Variants in SAMD4A observed in about 807,000 individuals in gnomAD.
SAMD4A encodes protein Smaug homolog 1.
A neutral mutation model predicts 81.3 loss-of-function variants in SAMD4A; 33 were observed. That is an observed-to-expected ratio of 0.41 (90% CI 0.31 to 0.54). The LOEUF (loss-of-function observed/expected upper bound fraction) is 0.54, where lower values mean the gene tolerates loss of function less well. Ranked by LOEUF, SAMD4A falls within the 20% of genes least tolerant of loss-of-function variation. The pLI, the probability that SAMD4A is intolerant of heterozygous loss-of-function variation, is 0.37. For synonymous variants in SAMD4A, 389 were observed against 382.1 expected (o/e 1.02, Z -0.21); for missense variants, 854 against 951.1 (o/e 0.90, Z 1.34).
At chr14:54,591,417 G>T (rs2033771323) in intron 2 of SAMD4A, among the ~76,000 whole-genome samples, 1 of 152,172 alleles carries the variant, frequency 6.6e-6, no homozygotes, top group South Asian at 2.1e-4. Context: ...TCAAATGCCT[G>T]CCAGGCAACA....
intron 8 of SAMD4A, 56 bp downstream of exon 8, chr14:54,764,596 C>A: frequency 1.7e-6 from 2 of 1,156,578 alleles, no homozygotes; most frequent in South Asian, 1.4e-5. Context: ...AGAAATGGTT[C>A]TCAGAGTTTC....
At chr14:54,741,397 T>C (rs935354667) in intron 4 of SAMD4A, among the ~76,000 whole-genome samples, 1 of 152,234 alleles carries the variant, frequency 6.6e-6, no homozygotes, top group Non-Finnish European at 1.5e-5. Context: ...CTTAACAAAA[T>C]GCCACAGCTA....
At chr14:54,671,999 G>A (rs990321030) in intron 2 of SAMD4A, among the ~76,000 whole-genome samples, 1 of 145,508 alleles carries the variant, frequency 6.9e-6, no homozygotes, top group Admixed American at 7.1e-5. Flanking sequence ...CCCATCTACT[G>A]CTTCCTTTTC....
At chr14:54,578,824 A>G (rs891018818) in intron 2 of SAMD4A, among the ~76,000 whole-genome samples, 2 of 152,118 alleles carry the variant, frequency 1.3e-5, no homozygotes, top group Non-Finnish European at 2.9e-5. Flanking sequence ...ACACCTGTAG[A>G]TTAATTTTCA....
intron 6 of SAMD4A, 26 bp from the exon 7 acceptor site, chr14:54,760,133 CAG>C: frequency 6.2e-7 from 1 of 1,602,612 alleles, no homozygotes; most frequent in Non-Finnish European, 8.5e-7. Flanking sequence ...CTGAGCCTAA[CAG>C]AGGTCTTCCT....
chr14:54,758,258 C>T (rs1566623192), intron 6 of SAMD4A, among the ~76,000 whole-genome samples: 2 of 152,126 alleles, frequency 1.3e-5, no homozygotes, highest in Non-Finnish European at 2.9e-5. Context: ...TCCCACCCCT[C>T]CCCGCCAAAA....
chr14:54,698,580 T>C (rs117431613), intron 2 of SAMD4A, among the ~76,000 whole-genome samples: 1 of 152,144 alleles, frequency 6.6e-6, no homozygotes, highest in African/African-American at 2.4e-5. Context: ...CTTAGAAGAG[T>C]GCCTGGCACT....
At chr14:54,679,102 A>T (rs1391054753) in intron 2 of SAMD4A, among the ~76,000 whole-genome samples, 1 of 152,236 alleles carries the variant, frequency 6.6e-6, no homozygotes, top group Non-Finnish European at 1.5e-5. Flanking sequence ...GACTAGTAGG[A>T]CTTTGGGGAA....
intron 2 of SAMD4A, among the ~76,000 whole-genome samples, chr14:54,631,280 A>G (rs192804988): frequency 3.2e-3 from 490 of 152,226 alleles, no homozygotes; most frequent in Non-Finnish European, 4.7e-3. Context: ...ATAAATGTTA[A>G]TCTCATCCCA....
intron 2 of SAMD4A, among the ~76,000 whole-genome samples, chr14:54,609,310 C>T (rs116545670): frequency 9.0e-4 from 137 of 152,314 alleles, no homozygotes; most frequent in Middle Eastern, 3.4e-3. Context: ...CCAAGGAATG[C>T]AGGCAGCCTG....
At chr14:54,730,750 TA>T (rs1237572209) in intron 3 of SAMD4A, among the ~76,000 whole-genome samples, 1 of 152,226 alleles carries the variant, frequency 6.6e-6, no homozygotes, top group Non-Finnish European at 1.5e-5. Context: ...AATCTGGTGT[TA>T]TTTTTTTTGT....
chr14:54,720,301 A>G (rs2037228369), intron 3 of SAMD4A, among the ~76,000 whole-genome samples: 1 of 151,958 alleles, frequency 6.6e-6, no homozygotes, highest in Non-Finnish European at 1.5e-5. Flanking sequence ...TGCTCCCAAT[A>G]TTGCCTGTGT....
chr14:54,746,104 CT>C (rs1178130866), intron 4 of SAMD4A, among the ~76,000 whole-genome samples: 1 of 152,218 alleles, frequency 6.6e-6, no homozygotes, highest in Non-Finnish European at 1.5e-5. Context: ...GGTCAAGGCT[CT>C]TGCTTCTCTG....
intron 2 of SAMD4A, among the ~76,000 whole-genome samples, chr14:54,674,655 G>A (rs2035952567): frequency 6.6e-6 from 1 of 152,210 alleles, no homozygotes; most frequent in African/African-American, 2.4e-5. Flanking sequence ...CATGAGAAGA[G>A]AATCTATTGA....
intron 2 of SAMD4A, among the ~76,000 whole-genome samples, chr14:54,577,675 C>G (rs184458756): frequency 6.6e-6 from 1 of 152,318 alleles, no homozygotes; most frequent in East Asian, 1.9e-4. Context: ...GTACTCAGAA[C>G]AAGTCTGTGC....
intron 3 of SAMD4A, among the ~76,000 whole-genome samples, chr14:54,724,263 G>A (rs2037356617): frequency 6.6e-6 from 1 of 152,178 alleles, no homozygotes; most frequent in African/African-American, 2.4e-5. Context: ...GCAACACGGT[G>A]TCAGGCTAAG....
chr14:54,737,323 C>T (rs1290680480), intron 4 of SAMD4A, 36 bp downstream of exon 4: 3 of 1,609,794 alleles, frequency 1.9e-6, no homozygotes, highest in South Asian at 2.2e-5. Flanking sequence ...GGGGAAAGAG[C>T]CCCTCCCTTT....
chr14:54,572,802 C>G (rs932826083), intron 2 of SAMD4A, among the ~76,000 whole-genome samples: 3 of 152,156 alleles, frequency 2.0e-5, no homozygotes, highest in African/African-American at 7.2e-5. Flanking sequence ...TTCTATCCCT[C>G]AGGTTTAAAT....
intron 2 of SAMD4A, among the ~76,000 whole-genome samples, chr14:54,655,306 G>A (rs1384942756): frequency 6.6e-6 from 1 of 152,186 alleles, no homozygotes; most frequent in Non-Finnish European, 1.5e-5. Flanking sequence ...CACTTTCCTT[G>A]AGGAACACAG....
Sources: allele counts gnomAD v4.1 joint callset (sites outside exome capture counted in the v4.1 genomes callset), GRCh38; gene constraint gnomAD v4.1.1; transcripts MANE v1.5; gene names NCBI Gene and HGNC (gene_info 2026-07-23, HGNC 2026-07-21).